CST3: variants seen among roughly 807,000 people sequenced by gnomAD.
CST3 encodes cystatin C, also known as cystatin-C.
A neutral mutation model predicts 9.0 loss-of-function variants in CST3; 14 were observed. That is an observed-to-expected ratio of 1.56 (90% CI 1.03 to 2.44). The LOEUF is 2.44. Among genes scored for constraint, CST3 ranks in the 30% most tolerant of loss-of-function variants. CST3 has a pLI of 0.00. For missense variants in CST3, 237 were observed against 204.3 expected (o/e 1.16, Z -0.98); for synonymous variants, 96 against 90.2 (o/e 1.06, Z -0.37).
intron 1 of CST3, among the ~76,000 whole-genome samples, chr20:23,637,183 A>G (rs1389920978): frequency 6.6e-6 from 1 of 152,262 alleles, no homozygotes. Context: ...GAGAATAAAA[A>G]GTTAAAAGAA....
At chr20:23,630,276 C>A (rs553286742), downstream of CST3, among the ~76,000 whole-genome samples, 1 of 152,318 alleles carries the variant, frequency 6.6e-6, no homozygotes, top group Admixed American at 6.5e-5. Context: ...GACTAGAGTT[C>A]AGATGAGCCT....
exon 4 of CST3, chr20:23,627,384 C>T (rs1297270935): frequency 4.6e-5 from 7 of 152,120 alleles, no homozygotes; most frequent in African/African-American, 1.7e-4. Context: ...CTTTTATGCC[C>T]GTTCATTTTC....
chr20:23,629,496 A>AATAG (rs1335353869), downstream of CST3: 1 of 152,160 alleles, frequency 6.6e-6, no homozygotes, highest in Admixed American at 6.5e-5. Context: ...TAGATAAATA[A>AATAG]ATAACTGTTG....
At chr20:23,634,088 G>T in intron 2 of CST3, 89 bp from the exon 3 acceptor site, 3 of 1,069,948 alleles carry the variant, frequency 2.8e-6, no homozygotes, top group Non-Finnish European at 4.3e-6. Flanking sequence ...TGGGAGTGAA[G>T]AAGGATGGAG....
At chr20:23,636,699 A>C (rs974593318) in intron 1 of CST3, among the ~76,000 whole-genome samples, 21 of 152,192 alleles carry the variant, frequency 1.4e-4, no homozygotes, top group Admixed American at 2.6e-4. Context: ...GAGTCAGCAT[A>C]GTCTCCATCC....
At chr20:23,637,114 A>G (rs986739624) in intron 1 of CST3, among the ~76,000 whole-genome samples, 2 of 152,228 alleles carry the variant, frequency 1.3e-5, no homozygotes, top group African/African-American at 4.8e-5. Flanking sequence ...ATCTGGGTGA[A>G]AGATCTACAG....
In CST3 at chr20:23,635,345, A is replaced by C. The variant is rs772943690; in HGVS notation, c.266T>G (p.Phe89Cys). The C allele has an allele frequency of 6.2e-7, 1 of 1,606,574 alleles. No individual in the cohort carries two copies. Among genetic ancestry groups the C allele is most frequent in the Non-Finnish European group, 8.5e-7 (1 of 1,175,964 alleles). ...GGTTCGGCCCAGCTCCACGTCCAAG[A>C]AGTAGTTCACCCCAGCTACGATCTA... ...RKQIVAGVNY[F>C]LDVELGRTTC... The change falls in exon 2 of 3, where the codon TTC becomes TGC. Residue 89 changes from phenylalanine to cysteine, a missense_variant. Physicochemically the swap from Phe to Cys is radical, Grantham distance 205 (BLOSUM62 -2). Coordinates refer to ENST00000376925, the MANE Select transcript of CST3 (RefSeq NM_000099.4).
At chr20:23,630,678 A>G (rs1320898060), downstream of CST3, among the ~76,000 whole-genome samples, 4 of 152,064 alleles carry the variant, frequency 2.6e-5, no homozygotes, top group Admixed American at 2.6e-4. Context: ...CCGTCAGCCA[A>G]TCATAAGCCA....
rs1308015909 is a variant in CST3, at chr20:23,633,733, G to A, written c.*183C>T. 5 of 682,666 alleles carry A rather than the reference G, an allele frequency of 7.3e-6. No homozygotes were observed. Among genetic ancestry groups the A allele is most frequent in the African/African-American group, 3.5e-5 (2 of 56,748 alleles). The allele number at this position is 682,666 out of a possible 1,614,324, so 42.3% of individuals were successfully genotyped here. On this transcript the variant is annotated 3_prime_UTR_variant, in exon 3 of 3. Transcript: ENST00000376925. ...GGGGCTATGAGAAGCAAGAAGGAAG[G>A]AGGGAGGGCAGAGCCCCTTGCTGAG...
At chr20:23,627,657 C>T (rs930900404) in exon 4 of CST3, 14 of 152,114 alleles carry the variant, frequency 9.2e-5, no homozygotes, top group African/African-American at 3.4e-4. Context: ...ACATTCCCAC[C>T]AGCTATGTAT....
At chr20:23,633,074 A>C (rs564674635), downstream of CST3, among the ~76,000 whole-genome samples, 1 of 152,088 alleles carries the variant, frequency 6.6e-6, no homozygotes, top group Non-Finnish European at 1.5e-5. Context: ...AGCAGGTGCC[A>C]CTTTCTCTGT....
At chr20:23,634,110 G>C in intron 2 of CST3, 111 bp from the exon 3 acceptor site, 1 of 874,396 alleles carries the variant, frequency 1.1e-6, no homozygotes, top group South Asian at 1.4e-5. Flanking sequence ...TGAAACACTG[G>C]GCCCTTATCT....
chr20:23,637,526 G>A (rs1000553459), intron 1 of CST3, 94 bp downstream of exon 1: 14 of 1,231,066 alleles, frequency 1.1e-5, no homozygotes, highest in Admixed American at 3.7e-5. Flanking sequence ...AAGCCCAGGC[G>A]CCGGAGAGGA....
intron 2 of CST3, among the ~76,000 whole-genome samples, chr20:23,634,780 C>T (rs1050250466): frequency 6.6e-6 from 1 of 152,120 alleles, no homozygotes; most frequent in Admixed American, 6.5e-5. Context: ...CACACCACCC[C>T]GTCTACATGC....
Position 23,633,712 on chromosome 20 carries a change from C to T in CST3, c.*204G>A. On this transcript the variant is annotated 3_prime_UTR_variant, in exon 3 of 3. Coordinates refer to ENST00000376925, the MANE Select transcript of CST3 (RefSeq NM_000099.4). ...GGGGTGTATGCACCGCACACCGGGG[C>T]TATGAGAAGCAAGAAGGAAGGAGGG... The T allele has an allele frequency of 1.5e-6, 1 of 663,324 alleles. No individual in the cohort carries two copies. Among genetic ancestry groups the T allele is most frequent in the Non-Finnish European group, 2.7e-6 (1 of 364,578 alleles). The allele number at this position is 663,324 out of a possible 1,614,324, so 41.1% of individuals were successfully genotyped here. A position where few individuals can be genotyped will look rare whatever the true frequency, so the allele number is the denominator to read the frequency against.
chr20:23,637,664 T>G lies in CST3; in HGVS notation c.199A>C (p.Met67Leu), dbSNP rs576809508. ...ACCTGCAGCGCGCGGCTGTGGTACATGTCGTTGCTGGCTTTGTTGTACTCG... is the reference window on the plus strand; with the variant it reads ...ACCTGCAGCGCGCGGCTGTGGTACAGGTCGTTGCTGGCTTTGTTGTACTCG... ...VGEYNKASNDMYHSRALQVVR... is the reference protein window; with the variant it reads ...VGEYNKASNDLYHSRALQVVR... The change falls in exon 1 of 3, where the codon ATG (methionine) becomes CTG (leucine). Residue 67 changes from methionine to leucine, a missense_variant. Coordinates refer to ENST00000376925, the MANE Select transcript of CST3 (RefSeq NM_000099.4). 2.0e-6 allele frequency: 3 copies of G among 1,535,424 alleles called. No homozygotes were observed. The highest frequency in any genetic ancestry group is 2.6e-6 in the Non-Finnish European group (3 of 1,141,672).
chr20:23,637,636 A>G lies in CST3; in HGVS notation c.227T>C (p.Val76Ala). 6.6e-7 allele frequency: 1 copy of G among 1,523,138 alleles called. No homozygotes were observed. Among genetic ancestry groups the G allele is most frequent in the South Asian group, 1.2e-5 (1 of 81,184 alleles). 94.4% of individuals were successfully genotyped at this position (1,523,138 alleles called of 1,614,324 possible). Residue 76 changes from valine (V) to alanine (A), a missense_variant, in exon 1 of 3, where the codon GTG becomes GCG. Coordinates refer to ENST00000376925, the MANE Select transcript of CST3 (RefSeq NM_000099.4). Reference protein sequence around the residue: ...DMYHSRALQVVRARKQIVAGV... With the variant: ...DMYHSRALQVARARKQIVAGV... ...GGCACGCACCTGCTTGCGGGCGCGC[A>G]CCACCTGCAGCGCGCGGCTGTGGTA...
downstream of CST3, chr20:23,633,633 C>G: frequency 3.5e-6 from 2 of 577,846 alleles, no homozygotes; most frequent in Non-Finnish European, 6.2e-6. Flanking sequence ...TGCACATCCC[C>G]AGACAGCCAA....
At chr20:23,630,245 G>A (rs985658990), downstream of CST3, among the ~76,000 whole-genome samples, 1 of 152,156 alleles carries the variant, frequency 6.6e-6, no homozygotes, top group Non-Finnish European at 1.5e-5. Flanking sequence ...CCCCAGTGAC[G>A]CCATGTACAG....
Sources: allele counts gnomAD v4.1 joint callset (sites outside exome capture counted in the v4.1 genomes callset), GRCh38; gene constraint gnomAD v4.1.1; transcripts MANE v1.5; gene names NCBI Gene and HGNC (gene_info 2026-07-23, HGNC 2026-07-21).